Variants in KPNA5 observed in about 807,000 individuals in gnomAD.
KPNA5 encodes the protein importin subunit alpha-6.
In KPNA5, 46 loss-of-function variants were observed where a neutral mutation model predicts 71.3. That is an observed-to-expected ratio of 0.65 (90% CI 0.51 to 0.83). The LOEUF (loss-of-function observed/expected upper bound fraction) is 0.83, where lower values mean the gene tolerates loss of function less well. Ranked by LOEUF, KPNA5 falls within the 40% of genes least tolerant of loss-of-function variation. The pLI is 0.00. For missense variants in KPNA5, 547 were observed against 628.3 expected (o/e 0.87, Z 1.38); for synonymous variants, 207 against 201.4 (o/e 1.03, Z -0.24).
chr6:116,730,611 T>G (rs1779446925), intron 13 of KPNA5, among the ~76,000 whole-genome samples: 1 of 152,174 alleles, frequency 6.6e-6, no homozygotes, highest in Non-Finnish European at 1.5e-5. Context: ...GCTTTTGATG[T>G]CTTCTCATTT....
chr6:116,711,255 ATT>A (rs56916606), intron 7 of KPNA5, among the ~76,000 whole-genome samples: 33,186 of 133,786 alleles, frequency 0.25, 3,813 homozygotes, highest in East Asian at 0.37. Context: ...GTTTTTGTTG[ATT>A]TTTTTTTTTT....
At chr6:116,695,016 T>C (rs1777968675) in intron 4 of KPNA5, among the ~76,000 whole-genome samples, 1 of 152,240 alleles carries the variant, frequency 6.6e-6, no homozygotes, top group South Asian at 2.1e-4. Flanking sequence ...AATAGCAGAA[T>C]CACAGCTCAC....
At chr6:116,694,958 C>CT (rs551637874) in intron 4 of KPNA5, among the ~76,000 whole-genome samples, 112 of 151,114 alleles carry the variant, frequency 7.4e-4, no homozygotes, top group Non-Finnish European at 1.0e-3. Flanking sequence ...TTCTCTTTTT[C>CT]TTTTTTTTTG....
chr6:116,733,234 T>C lies in KPNA5; in HGVS notation c.*911T>C, dbSNP rs557931648. On this transcript the variant is annotated 3_prime_UTR_variant, in exon 14 of 14. Coordinates refer to ENST00000368564, the MANE Select transcript of KPNA5 (RefSeq NM_001366306.2). ...TTTCTCTGATTTTTCAGAGCAGTAA[T>C]TGAAAAGTTTCATTTTCTGTATAAT... The C allele has an allele frequency of 1.3e-5, 2 of 151,690 alleles. No homozygotes were observed. The highest frequency in any genetic ancestry group is 3.9e-4 in the East Asian group (2 of 5,162). The allele number at this position is 151,690 out of a possible 1,614,324, so 9.4% of individuals were successfully genotyped here.
intron 4 of KPNA5, 73 bp downstream of exon 4, chr6:116,692,465 T>C: frequency 1.1e-6 from 1 of 927,078 alleles, no homozygotes; most frequent in African/African-American, 1.7e-5. Flanking sequence ...ATTGTTTTTT[T>C]TTAAATTTTA....
chr6:116,704,594 C>T (rs1562439722), intron 6 of KPNA5, among the ~76,000 whole-genome samples: 2 of 147,454 alleles, frequency 1.4e-5, no homozygotes. Flanking sequence ...GCAAGGAAAA[C>T]TTTTTTTTTT....
In KPNA5 at chr6:116,689,199, C is replaced by T. The variant is rs962267911; in HGVS notation, c.5-121C>T. The T allele has an allele frequency of 2.1e-5, 20 of 967,714 alleles. No individual in the cohort carries two copies. In the African/African-American group the frequency reaches 2.9e-4, roughly 14 times the overall value. 59.9% of individuals were successfully genotyped at this position (967,714 alleles called of 1,614,324 possible). On this transcript the variant is annotated intron_variant, in intron 1 of 13. Coordinates refer to ENST00000368564, the MANE Select transcript of KPNA5 (RefSeq NM_001366306.2). ...GAATGTATTCTTTGTACATAATTTT[C>T]AGAATGGGTTTTGTTGACCTGTTAA...
At chr6:116,689,193 A>C (rs563791368) in intron 1 of KPNA5, 127 bp from the exon 2 acceptor site, 1 of 911,308 alleles carries the variant, frequency 1.1e-6, no homozygotes, top group African/African-American at 1.7e-5. Context: ...CTTTGTACAT[A>C]ATTTTCAGAA....
chr6:116,696,480 C>T (rs1426651125), intron 4 of KPNA5, among the ~76,000 whole-genome samples: 1 of 152,070 alleles, frequency 6.6e-6, no homozygotes, highest in Non-Finnish European at 1.5e-5. Context: ...TATGAATATG[C>T]CCTGGGTACT....
At chr6:116,684,770 C>T (rs1015867222) in intron 1 of KPNA5, among the ~76,000 whole-genome samples, 2 of 152,146 alleles carry the variant, frequency 1.3e-5, no homozygotes, top group African/African-American at 4.8e-5. Flanking sequence ...AGATCAAAGC[C>T]TCCTACATGT....
chr6:116,711,062 T>G (rs1465483537), intron 7 of KPNA5, among the ~76,000 whole-genome samples: 1 of 150,884 alleles, frequency 6.6e-6, no homozygotes, highest in Admixed American at 6.6e-5. Flanking sequence ...GCCTGGCTAA[T>G]TTTTGCATTT....
rs1218702776 is a variant in KPNA5, at chr6:116,735,599, TACA to T, written c.*3280_*3282del. 1 of 151,708 alleles carries T rather than the reference TACA, an allele frequency of 6.6e-6. No homozygotes were observed. The highest frequency in any genetic ancestry group is 1.9e-4 in the East Asian group (1 of 5,194). The allele number at this position is 151,708 out of a possible 1,614,324, so 9.4% of individuals were successfully genotyped here. A position where few individuals can be genotyped will look rare whatever the true frequency, so the allele number is the denominator to read the frequency against. ...AGTAGTATGCAATATTATGAAATGT[TACA>T]ACACTATATTAAAAATAATAAAATA... On this transcript the variant is annotated 3_prime_UTR_variant, in exon 14 of 14. Coordinates refer to ENST00000368564, the MANE Select transcript of KPNA5 (RefSeq NM_001366306.2).
chr6:116,716,909 G>A (rs1226714863), intron 8 of KPNA5, among the ~76,000 whole-genome samples: 2 of 150,658 alleles, frequency 1.3e-5, no homozygotes, highest in East Asian at 3.9e-4. Context: ...AAGTTTCTGG[G>A]GATAAAAAAT....
At chr6:116,703,424 G>T (rs1000480008) in intron 6 of KPNA5, among the ~76,000 whole-genome samples, 16 of 151,890 alleles carry the variant, frequency 1.1e-4, no homozygotes, top group Non-Finnish European at 2.9e-5. Context: ...CACCACGCCC[G>T]GCTAGTTTTT....
At chr6:116,718,625 TTGTC>T (rs1188083475) in intron 8 of KPNA5, among the ~76,000 whole-genome samples, 1 of 152,104 alleles carries the variant, frequency 6.6e-6, no homozygotes, top group African/African-American at 2.4e-5. Flanking sequence ...GAGGGAAACT[TTGTC>T]TGTTGTTTAC....
At chr6:116,704,331 C>T (rs1319142947) in intron 6 of KPNA5, among the ~76,000 whole-genome samples, 1 of 152,116 alleles carries the variant, frequency 6.6e-6, no homozygotes, top group Admixed American at 6.5e-5. Flanking sequence ...AGCCACTGCA[C>T]CCGACCTACT....
At chr6:116,724,221 T>C in intron 9 of KPNA5, 76 bp from the exon 10 acceptor site, 2 of 896,264 alleles carry the variant, frequency 2.2e-6, no homozygotes, top group East Asian at 2.5e-5. Flanking sequence ...CCGCAGGAGT[T>C]TGTAGTATTT....
intron 9 of KPNA5, among the ~76,000 whole-genome samples, chr6:116,723,391 C>T (rs1048932605): frequency 6.6e-6 from 1 of 151,996 alleles, no homozygotes; most frequent in African/African-American, 2.4e-5. Flanking sequence ...GCTGAGGAAA[C>T]TGAAGTTCAA....
In KPNA5 at chr6:116,739,778, A is replaced by G. The variant is rs1779802350; in HGVS notation, c.*7455A>G. ...TCCCTATTTAATAAATGGTGCTGGG[A>G]AAACTGGCTAGCCATATGTAGAAAG... On this transcript the variant is annotated 3_prime_UTR_variant, in exon 14 of 14. Coordinates refer to ENST00000368564, the MANE Select transcript of KPNA5 (RefSeq NM_001366306.2). 6.6e-6 allele frequency: 1 copy of G among 151,672 alleles called. No homozygotes were observed. The highest frequency in any genetic ancestry group is 2.4e-5 in the African/African-American group (1 of 41,240). 9.4% of individuals were successfully genotyped at this position (151,672 alleles called of 1,614,324 possible).
Sources: allele counts gnomAD v4.1 joint callset (sites outside exome capture counted in the v4.1 genomes callset), GRCh38; gene constraint gnomAD v4.1.1; transcripts MANE v1.5; gene names NCBI Gene and HGNC (gene_info 2026-07-23, HGNC 2026-07-21).